NAV1: variants seen among roughly 807,000 people sequenced by gnomAD.
NAV1 encodes the protein neuron navigator 1, also known as pore membrane and/or filament interacting like protein 3.
In NAV1, 18 loss-of-function variants were observed where a neutral mutation model predicts 175.2. The ratio of observed to expected loss-of-function variants is 0.10; its 90% CI spans 0.07 to 0.15. The LOEUF (loss-of-function observed/expected upper bound fraction) is 0.15. Among genes scored for constraint, NAV1 ranks in the 10% least tolerant of loss-of-function variants. NAV1 has a pLI of 1.00. For synonymous variants in NAV1, 897 were observed against 978.7 expected, an observed-to-expected ratio of 0.92 and a Z score of 1.56; for missense variants, 1,731 against 2,436.6, an observed-to-expected ratio of 0.71 and a Z score of 6.10.
chr1:201,686,333 T>C lies in NAV1; in HGVS notation c.758-26484T>C, dbSNP rs575027818. The stretch of plus-strand genomic sequence containing the variant: ...AGACCAGCCCTCCCCCAGGGTACCA[T>C]GCTCTAACATTATCTCTCACACCTT... On this transcript the variant is annotated intron_variant, in intron 1 of 29. Transcript: ENST00000367296. 2.7e-5 allele frequency among the ~76,000 whole-genome samples: 4 copies of C among 150,932 alleles called. No individual in the cohort carries two copies. In the East Asian group the frequency reaches 7.9e-4, roughly 30 times the overall value.
intron 2 of NAV1, 86 bp downstream of exon 6, chr1:201,713,005 C>A: frequency 1.0e-6 from 1 of 957,418 alleles, no homozygotes; most frequent in Non-Finnish European, 1.7e-6. Flanking sequence ...CGGGTCCCTC[C>A]ACACCTCTGC....
At chr1:201,629,323 G>A (rs1351844096) in intron 1 of NAV1, 81 bp from the exon 4 acceptor site, 1 of 1,003,826 alleles carries the variant, frequency 1.0e-6, no homozygotes, top group East Asian at 6.1e-5. Context: ...CAAGTTCTAA[G>A]AGGGTTTTCT....
intron 1 of NAV1, among the ~76,000 whole-genome samples, chr1:201,668,623 G>A (rs1669917602): frequency 6.6e-6 from 1 of 152,148 alleles, no homozygotes; most frequent in Admixed American, 6.5e-5. Flanking sequence ...CTGGGCGTGG[G>A]TCGATGCAGC....
intron 15 of NAV1, among the ~76,000 whole-genome samples, chr1:201,802,811 A>G (rs146251902): frequency 1.3e-5 from 2 of 152,058 alleles, no homozygotes; most frequent in African/African-American, 4.8e-5. Context: ...GAAAAAAGAC[A>G]TTGAGGGCTG....
intron 1 of NAV1, among the ~76,000 whole-genome samples, chr1:201,682,142 C>T (rs1670492148): frequency 6.7e-6 from 1 of 148,904 alleles, no homozygotes; most frequent in Non-Finnish European, 1.5e-5. Flanking sequence ...AAAAATCAGC[C>T]AGGTATGGTG....
chr1:201,670,564 A>AG (rs1388580095), intron 1 of NAV1, among the ~76,000 whole-genome samples: 1 of 147,110 alleles, frequency 6.8e-6, no homozygotes. Flanking sequence ...ATGGTGGTAG[A>AG]GATGATGGTG....
intron 1 of NAV1, among the ~76,000 whole-genome samples, chr1:201,564,622 C>CAAAT (rs749355853): frequency 2.6e-5 from 4 of 152,138 alleles, no homozygotes; most frequent in Admixed American, 1.3e-4. Flanking sequence ...GACTCTGTCT[C>CAAAT]AAATAAATAA....
At chr1:201,780,854 T>G (rs1199158714) in intron 4 of NAV1, among the ~76,000 whole-genome samples, 158 bp from the exon 9 acceptor site, 1 of 152,206 alleles carries the variant, frequency 6.6e-6, no homozygotes, top group Non-Finnish European at 1.5e-5. Flanking sequence ...ATATGTCATC[T>G]GCTGTTGGAA....
At chr1:201,749,363 A>T (rs1673962923) in intron 3 of NAV1, among the ~76,000 whole-genome samples, 2 of 152,230 alleles carry the variant, frequency 1.3e-5, no homozygotes, top group Non-Finnish European at 2.9e-5. Flanking sequence ...AGCTGTGATG[A>T]TGTCTTCAGC....
At chr1:201,549,077 C>CTTTCTT (rs1553236472) in intron 1 of NAV1, among the ~76,000 whole-genome samples, 1 of 130,106 alleles carries the variant, frequency 7.7e-6, no homozygotes, top group African/African-American at 3.0e-5. Flanking sequence ...TTCTAGTTTT[C>CTTTCTT]TCTTTCTTTC....
chr1:201,764,334 C>T (rs980268872), intron 3 of NAV1, among the ~76,000 whole-genome samples: 1 of 152,194 alleles, frequency 6.6e-6, no homozygotes, highest in African/African-American at 2.4e-5. Context: ...CCCAGCAGTG[C>T]AAAATCAAGG....
In NAV1 at chr1:201,782,562, G is replaced by A. The variant is rs769125848; in HGVS notation, c.2050G>A (p.Val684Met). 1.5e-5 allele frequency: 24 copies of A among 1,611,952 alleles called. No individual in the cohort carries two copies. In the South Asian group the frequency reaches 1.8e-4, roughly 12 times the overall value. Residue 684 changes from valine to methionine, a missense_variant, in exon 6 of 30, where the codon GTG becomes ATG. By Grantham distance (21) the Val-to-Met change is conservative (BLOSUM62 1). Transcript: ENST00000367296. The surrounding 1 kb of genome is among the most constrained non-coding windows in gnomAD (Gnocchi z 5.4). ...GCCAGCCAAGTCAAGTTCTATGAGC[G>A]TGACCGGCGGGCGGGGTGGACCTCG...
intron 1 of NAV1, among the ~76,000 whole-genome samples, chr1:201,586,834 C>A (rs1308599573): frequency 6.6e-6 from 1 of 152,158 alleles, no homozygotes; most frequent in Admixed American, 6.5e-5. Flanking sequence ...GTGGGTTAGA[C>A]CTTCAAAACA....
chr1:201,553,801 A>G (rs1665935657), intron 1 of NAV1, among the ~76,000 whole-genome samples: 1 of 152,294 alleles, frequency 6.6e-6, no homozygotes, highest in South Asian at 2.1e-4. Context: ...AGCTCAGCAT[A>G]ATGTTTTTGA....
intron 1 of NAV1, among the ~76,000 whole-genome samples, chr1:201,707,545 G>A (rs1048264412): frequency 6.6e-6 from 1 of 152,192 alleles, no homozygotes; most frequent in Non-Finnish European, 1.5e-5. Context: ...CTGAATCTAA[G>A]GACTATGTTC....
At chr1:201,578,328 C>T (rs1207087977) in intron 1 of NAV1, among the ~76,000 whole-genome samples, 1 of 152,052 alleles carries the variant, frequency 6.6e-6, no homozygotes, top group Non-Finnish European at 1.5e-5. Flanking sequence ...TAAAATTTTC[C>T]ATTTGGTTCT....
At chr1:201,795,676 A>G (rs1454173260) in intron 15 of NAV1, 1 of 151,792 alleles carries the variant, frequency 6.6e-6, no homozygotes, top group Non-Finnish European at 1.5e-5. Context: ...TCTACCAAAA[A>G]CACTTTCACT....
upstream of NAV1, among the ~76,000 whole-genome samples, chr1:201,619,588 T>C (rs1668099957): frequency 6.6e-6 from 1 of 152,162 alleles, no homozygotes; most frequent in Admixed American, 6.5e-5. Context: ...GCTTACACTT[T>C]CCGAGTTTCC....
chr1:201,565,918 A>T (rs1666341617), intron 1 of NAV1, among the ~76,000 whole-genome samples: 1 of 152,094 alleles, frequency 6.6e-6, no homozygotes, highest in Non-Finnish European at 1.5e-5. Context: ...ATTAACACCC[A>T]AATGCCCTTC....
Sources: allele counts gnomAD v4.1 joint callset (sites outside exome capture counted in the v4.1 genomes callset), GRCh38; gene constraint gnomAD v4.1.1; non-coding constraint Gnocchi (gnomAD v3.1); transcripts MANE v1.5; gene names NCBI Gene and HGNC (gene_info 2026-07-23, HGNC 2026-07-21).